Variants in PCDH11X observed in about 807,000 individuals in gnomAD.
PCDH11X encodes protocadherin 11 X-linked, also known as protocadherin-11 X-linked.
Under a neutral mutation model 53.3 loss-of-function variants are expected in PCDH11X, and 18 were observed. The ratio of observed to expected loss-of-function variants is 0.34; its 90% CI spans 0.23 to 0.50. The LOEUF is 0.50. Ranked by LOEUF, PCDH11X falls within the 20% of genes least tolerant of loss-of-function variation. The probability of loss-of-function intolerance (pLI) is 0.98; values close to 1 mark genes in which losing one functional copy is unlikely to be tolerated. For missense variants in PCDH11X, 570 were observed against 1,032.4 expected (o/e 0.55, Z 6.14); for synonymous variants, 279 against 393.3 (o/e 0.71, Z 3.44).
chrX:92,176,876 C>T (rs1472001191), intron 6 of PCDH11X, among the ~76,000 whole-genome samples: 5 of 111,177 alleles, frequency 4.5e-5, no homozygotes, highest in African/African-American at 6.5e-5. Flanking sequence ...GATTGGCACA[C>T]TTTTTGCGGG....
At chrX:91,820,086 G>C (rs1411770554) in intron 4 of PCDH11X, among the ~76,000 whole-genome samples, 8 of 92,705 alleles carry the variant, frequency 8.6e-5, no homozygotes, top group African/African-American at 2.0e-4. Context: ...GGACATTTGG[G>C]TTGGTTCCAA....
chrX:92,512,134 T>C (rs1306963982), intron 10 of PCDH11X, among the ~76,000 whole-genome samples: 20 of 106,815 alleles, frequency 1.9e-4, no homozygotes, highest in African/African-American at 6.5e-4. Context: ...TGATTTCACA[T>C]ACCATATACT....
intron 1 of PCDH11X, among the ~76,000 whole-genome samples, chrX:91,789,200 C>CAAAAAAAAAAA (rs764959497): frequency 1.7e-3 from 79 of 46,767 alleles, no homozygotes; most frequent in Non-Finnish European, 2.1e-3. Flanking sequence ...GACTCCGTCT[C>CAAAAAAAAAAA]AAAAAAAAAA....
At chrX:92,106,185 T>TA (rs1367804452) in intron 6 of PCDH11X, among the ~76,000 whole-genome samples, 108 of 108,024 alleles carry the variant, frequency 1.0e-3, no homozygotes, top group African/African-American at 3.4e-3. Flanking sequence ...TATCTAGCTC[T>TA]AAAAATGTTG....
chrX:92,399,192 C>CAAAAAAAAAAAAAAAAA (rs376361040), intron 9 of PCDH11X, among the ~76,000 whole-genome samples: 2 of 91,586 alleles, frequency 2.2e-5, no homozygotes, highest in African/African-American at 8.4e-5. Context: ...GACTCCGTGT[C>CAAAAAAAAAAAAAAAAA]AAAAAAAAAA....
intron 6 of PCDH11X, among the ~76,000 whole-genome samples, chrX:91,892,013 GT>G (rs1940507438): frequency 3.5e-5 from 1 of 28,564 alleles, no homozygotes; most frequent in Non-Finnish European, 6.0e-5. Context: ...AATTAGAGGG[GT>G]GTGTGTGTGT....
chrX:92,189,177 G>A (rs1438914729), intron 6 of PCDH11X, among the ~76,000 whole-genome samples: 1 of 110,955 alleles, frequency 9.0e-6, no homozygotes. Context: ...ATTAAGCCCA[G>A]CATCCATTAG....
rs192917023 is a variant in PCDH11X at position 92,303,428 on chromosome X, G to T, written c.3144+40285G>T. 6.5e-3 allele frequency among the ~76,000 whole-genome samples: 724 copies of T among 111,133 alleles called. 8 individuals are homozygous for T. Among genetic ancestry groups the T allele is most frequent in the African/African-American group, 0.022 (688 of 30,579 alleles). On this transcript the variant is annotated intron_variant, in intron 8 of 10. Transcript: ENST00000682573. ...TATACCAAATTCGAAAATTCAGTGG[G>T]TTTTTATATCTCCTTCTCTAAGATG... is the stretch of plus-strand genomic sequence containing the variant.
At position 91,831,048 on chromosome X, in the gene PCDH11X, A is replaced by G. The variant is rs182798642; in HGVS notation, c.-44-4413A>G. Among the ~76,000 whole-genome samples, 9 of 112,070 alleles carry G rather than the reference A, an allele frequency of 8.0e-5. No homozygotes were observed. The East Asian group carries it at 2.5e-3, about 31-fold the overall frequency. On this transcript the variant is annotated intron_variant, in intron 4 of 10. Coordinates refer to ENST00000682573, the MANE Select transcript of PCDH11X (RefSeq NM_032968.5). ...TAATTGTGTGGTTTGAAATTTCTAG[A>G]ATTGCATATAGTAGATGCCTAGCTC... is the stretch of plus-strand genomic sequence containing the variant.
intron 6 of PCDH11X, among the ~76,000 whole-genome samples, chrX:91,967,407 C>A (rs2147899323): frequency 9.0e-6 from 1 of 111,384 alleles, no homozygotes; most frequent in Non-Finnish European, 1.9e-5. Context: ...TAGATTCTCA[C>A]AGGAGCTCAA....
chrX:92,479,705 T>G, intron 10 of PCDH11X, among the ~76,000 whole-genome samples: 1 of 107,722 alleles, frequency 9.3e-6, no homozygotes, highest in Middle Eastern at 4.7e-3. Flanking sequence ...GCTTGTGAGG[T>G]TTCTGCTGAG....
intron 8 of PCDH11X, among the ~76,000 whole-genome samples, chrX:92,352,770 C>T (rs1253710944): frequency 1.8e-5 from 2 of 111,508 alleles, no homozygotes; most frequent in Admixed American, 9.6e-5. Context: ...GATCTAGCCA[C>T]CCAGCAGGAC....
chrX:92,610,562 A>T (rs2148816183), intron 10 of PCDH11X, among the ~76,000 whole-genome samples: 1 of 109,955 alleles, frequency 9.1e-6, no homozygotes, highest in African/African-American at 3.3e-5. Context: ...CACCTGGTTG[A>T]TAGCTTATTT....
chrX:92,354,182 G>A (rs759023358), intron 8 of PCDH11X, among the ~76,000 whole-genome samples: 298 of 105,632 alleles, frequency 2.8e-3, no homozygotes, highest in Non-Finnish European at 4.1e-3. Context: ...TGTTTAAATG[G>A]AAACCTCTGT....
chrX:92,102,675 G>A (rs1342306665), intron 6 of PCDH11X, among the ~76,000 whole-genome samples: 1 of 111,504 alleles, frequency 9.0e-6, no homozygotes, highest in Admixed American at 9.5e-5. Flanking sequence ...CCAAGTGAAA[G>A]CGAAAACAGG....
intron 6 of PCDH11X, among the ~76,000 whole-genome samples, chrX:91,888,393 C>T (rs1028907335): frequency 8.9e-6 from 1 of 112,030 alleles, no homozygotes; most frequent in Non-Finnish European, 1.9e-5. Flanking sequence ...ACTCTCATGC[C>T]TGTAATCCCA....
chrX:92,100,929 G>A (rs1435862561), intron 6 of PCDH11X, among the ~76,000 whole-genome samples: 1 of 110,977 alleles, frequency 9.0e-6, no homozygotes, highest in Non-Finnish European at 1.9e-5. Context: ...AATGATTGGT[G>A]ATGGCCTGGA....
At chrX:92,280,124 C>G (rs906518206) in intron 8 of PCDH11X, among the ~76,000 whole-genome samples, 5 of 112,218 alleles carry the variant, frequency 4.5e-5, no homozygotes, top group African/African-American at 1.3e-4. Flanking sequence ...CACATGCATA[C>G]ACATAGAAAA....
chrX:92,086,298 A>G (rs1283062950), intron 6 of PCDH11X, among the ~76,000 whole-genome samples: 1 of 111,512 alleles, frequency 9.0e-6, no homozygotes, highest in Non-Finnish European at 1.9e-5. Flanking sequence ...ATAAAGATAT[A>G]TCATTTCAGG....
Sources: allele counts gnomAD v4.1 joint callset (sites outside exome capture counted in the v4.1 genomes callset), GRCh38; gene constraint gnomAD v4.1.1; transcripts MANE v1.5; gene names NCBI Gene and HGNC (gene_info 2026-07-23, HGNC 2026-07-21).